The following CLN8 variants were observed in gnomAD, a reference collection of about 807,000 sequenced individuals.
The protein encoded by CLN8 is CLN8 transmembrane ER and ERGIC protein.
Under a neutral mutation model 15.7 loss-of-function variants are expected in CLN8, and 14 were observed. The observed-to-expected ratio is 0.89, with a 90% CI of 0.59 to 1.39. CLN8 has a LOEUF of 1.39. CLN8 is among the 40% of genes most tolerant of loss of function. The probability of loss-of-function intolerance (pLI) is 0.00; values close to 1 mark genes in which losing one functional copy is unlikely to be tolerated. For missense variants in CLN8, 415 were observed against 364.0 expected (o/e 1.14, Z -1.14); for synonymous variants, 188 against 151.0 (o/e 1.25, Z -1.80).
upstream of CLN8, among the ~76,000 whole-genome samples, chr8:1,754,289 C>T (rs1187933027): frequency 6.6e-6 from 1 of 152,176 alleles, no homozygotes; most frequent in Non-Finnish European, 1.5e-5. Flanking sequence ...AATAAATCTG[C>T]CTTTCTTTAC....
chr8:1,757,653 A>G (rs1273166525), intron 1 of CLN8, among the ~76,000 whole-genome samples: 1 of 152,140 alleles, frequency 6.6e-6, no homozygotes, highest in Admixed American at 6.5e-5. Context: ...CCTGGTCACG[A>G]ACTCCTGACC....
intron 1 of CLN8, chr8:1,765,340 G>C (rs1352756337): frequency 2.0e-5 from 3 of 152,202 alleles, no homozygotes; most frequent in African/African-American, 7.2e-5. Context: ...TATGTAAAAA[G>C]AAGAGTTTAT....
At chr8:1,764,523 T>C (rs538926831) in intron 1 of CLN8, 19 of 152,448 alleles carry the variant, frequency 1.2e-4, no homozygotes, top group African/African-American at 4.3e-4. Flanking sequence ...GTCACGTGGG[T>C]GTGGCCTCCA....
chr8:1,772,750 G>T (rs1380402087), intron 2 of CLN8, among the ~76,000 whole-genome samples: 1 of 151,976 alleles, frequency 6.6e-6, no homozygotes, highest in Non-Finnish European at 1.5e-5. Context: ...AAAATGCTGG[G>T]ATTACAGGCA....
intron 1 of CLN8, among the ~76,000 whole-genome samples, chr8:1,765,984 G>T (rs1801036984): frequency 6.6e-6 from 1 of 152,112 alleles, no homozygotes; most frequent in Admixed American, 6.6e-5. Flanking sequence ...AAACAAAAAT[G>T]CTGGTATCCA....
chr8:1,777,226 C>G (rs1801555815), intron 2 of CLN8, among the ~76,000 whole-genome samples: 1 of 152,054 alleles, frequency 6.6e-6, no homozygotes, highest in Non-Finnish European at 1.5e-5. Context: ...TCTAAACATA[C>G]CTAAACATAG....
At chr8:1,776,272 C>T (rs1189990072) in intron 2 of CLN8, among the ~76,000 whole-genome samples, 1 of 151,694 alleles carries the variant, frequency 6.6e-6, no homozygotes, top group Non-Finnish European at 1.5e-5. Flanking sequence ...TGAGGGGCAG[C>T]TGTATGTGTG....
At chr8:1,763,708 C>A (rs1800908712), upstream of CLN8, 1 of 127,956 alleles carries the variant, frequency 7.8e-6, no homozygotes, top group Non-Finnish European at 1.7e-5. Flanking sequence ...CGGGGCCTCT[C>A]GTAGCGACGC....
chr8:1,779,157 C>A (rs1292903076), intron 2 of CLN8, among the ~76,000 whole-genome samples: 1 of 152,168 alleles, frequency 6.6e-6, no homozygotes, highest in African/African-American at 2.4e-5. Flanking sequence ...GTAAGTCAAA[C>A]CATTGTGAGT....
At chr8:1,764,449 G>C (rs564407084) in intron 1 of CLN8, 1 of 152,374 alleles carries the variant, frequency 6.6e-6, no homozygotes, top group South Asian at 2.1e-4. Context: ...TGCCCACGAG[G>C]CGGGGAGGCG....
At chr8:1,757,452 G>A (rs374234097) in intron 1 of CLN8, among the ~76,000 whole-genome samples, 10 of 152,042 alleles carry the variant, frequency 6.6e-5, no homozygotes, top group African/African-American at 1.9e-4. Context: ...GTTTTGTTTC[G>A]TTTTTTGAGA....
intron 1 of CLN8, chr8:1,758,226 T>C (rs779592036): frequency 7.9e-5 from 12 of 152,176 alleles, no homozygotes; most frequent in Non-Finnish European, 1.8e-4. Context: ...CTATAATGAG[T>C]TCTTTTTCTC....
chr8:1,763,110 C>T (rs1800846653), upstream of CLN8: 1 of 152,040 alleles, frequency 6.6e-6, no homozygotes, highest in African/African-American at 2.4e-5. Flanking sequence ...ACTTGAAGGT[C>T]CGGGGCTTGG....
chr8:1,765,707 A>C (rs1417460736), intron 1 of CLN8, among the ~76,000 whole-genome samples: 8 of 152,230 alleles, frequency 5.3e-5, no homozygotes, highest in Non-Finnish European at 1.0e-4. Flanking sequence ...GCCAGATTAG[A>C]TAATAAGATT....
At chr8:1,762,079 G>C (rs1198167902), upstream of CLN8, 1 of 152,264 alleles carries the variant, frequency 6.6e-6, no homozygotes, top group Non-Finnish European at 1.5e-5. Context: ...AACAAGGACA[G>C]TTTGGAGGTT....
At chr8:1,764,742 T>C (rs1051224259) in intron 1 of CLN8, 14 of 152,434 alleles carry the variant, frequency 9.2e-5, no homozygotes, top group African/African-American at 3.4e-4. Context: ...AGCCAGCTGC[T>C]CTAGGTTGGG....
rs1585132193 is a variant in CLN8, at chr8:1,767,737, A to G, written c.-123-3195A>G. ...CAGGCATGTACCACCACGCCCAGCT[A>G]ATTTTTTGTATCTCTAATAGAGTCG... On this transcript the variant is annotated intron_variant, in intron 1 of 2. Transcript: ENST00000331222. Among the ~76,000 whole-genome samples the G allele has an allele frequency of 2.0e-5, 3 of 151,186 alleles. No homozygotes were observed. In the East Asian group the frequency reaches 5.9e-4, roughly 30 times the overall value.
intron 1 of CLN8, among the ~76,000 whole-genome samples, chr8:1,756,684 T>TC (rs1237946900): frequency 6.7e-6 from 1 of 149,678 alleles, no homozygotes; most frequent in Non-Finnish European, 1.5e-5. Flanking sequence ...GCATTCCTTT[T>TC]TTTTTTTTTT....
chr8:1,754,490 A>G (rs917307285), upstream of CLN8, among the ~76,000 whole-genome samples: 3 of 152,190 alleles, frequency 2.0e-5, no homozygotes, highest in Non-Finnish European at 4.4e-5. Context: ...CAACATGTCT[A>G]TCAGCCTGAT....
Sources: allele counts gnomAD v4.1 joint callset (sites outside exome capture counted in the v4.1 genomes callset), GRCh38; gene constraint gnomAD v4.1.1; transcripts MANE v1.5; gene names NCBI Gene and HGNC (gene_info 2026-07-23, HGNC 2026-07-21).